The following MTA3 variants were observed in gnomAD, a reference collection of about 807,000 sequenced individuals.
MTA3 encodes metastasis associated 1 family member 3.
Under a neutral mutation model 83.5 loss-of-function variants are expected in MTA3, and 34 were observed. That is an observed-to-expected ratio of 0.41 (90% CI 0.31 to 0.54). The LOEUF is 0.54. Among genes scored for constraint, MTA3 ranks in the 20% least tolerant of loss-of-function variants. MTA3 has a pLI of 0.33. For missense variants in MTA3, 761 were observed against 726.4 expected, an observed-to-expected ratio of 1.05 and a Z score of -0.55; for synonymous variants, 303 against 252.7, an observed-to-expected ratio of 1.20 and a Z score of -1.89.
chr2:42,530,639 G>T (rs1203025494), intron 2 of MTA3, among the ~76,000 whole-genome samples: 1 of 151,714 alleles, frequency 6.6e-6, no homozygotes, highest in African/African-American at 2.4e-5. Context: ...CAAAAAATTA[G>T]CTGGGCGTAG....
intron 16 of MTA3, among the ~76,000 whole-genome samples, chr2:42,749,180 T>C (rs962654560): frequency 4.6e-5 from 7 of 152,236 alleles, no homozygotes; most frequent in Non-Finnish European, 8.8e-5. Flanking sequence ...CCCCCTTCTG[T>C]GTCTCCTTCC....
intron 5 of MTA3, among the ~76,000 whole-genome samples, chr2:42,643,785 A>G (rs1444508455): frequency 3.3e-5 from 5 of 152,140 alleles, no homozygotes; most frequent in Admixed American, 2.0e-4. Flanking sequence ...TTATAAGATG[A>G]TTTGACTTTA....
intron 2 of MTA3, among the ~76,000 whole-genome samples, chr2:42,549,602 A>G (rs1285456325): frequency 1.1e-3 from 132 of 119,530 alleles, no homozygotes; most frequent in Admixed American, 2.5e-3. Context: ...ATACATATAC[A>G]TATATAATAT....
At chr2:42,576,014 A>T (rs932399172) in intron 2 of MTA3, among the ~76,000 whole-genome samples, 1 of 152,172 alleles carries the variant, frequency 6.6e-6, no homozygotes, top group Non-Finnish European at 1.5e-5. Flanking sequence ...AAATATTTAC[A>T]TAGGGTCTTT....
At chr2:42,651,991 G>T (rs1688762694) in intron 6 of MTA3, among the ~76,000 whole-genome samples, 1 of 152,092 alleles carries the variant, frequency 6.6e-6, no homozygotes, top group African/African-American at 2.4e-5. Flanking sequence ...AGCTACTTCG[G>T]GAGGCTGAGG....
At chr2:42,564,659 T>TA (rs1322189514), upstream of MTA3, among the ~76,000 whole-genome samples, 1 of 152,208 alleles carries the variant, frequency 6.6e-6, no homozygotes, top group Non-Finnish European at 1.5e-5. Flanking sequence ...ACCAACAAGA[T>TA]AAAGTCCCTT....
intron 16 of MTA3, among the ~76,000 whole-genome samples, chr2:42,729,087 T>TTTTTG (rs1668039426): frequency 3.6e-5 from 1 of 27,748 alleles, no homozygotes; most frequent in East Asian, 6.8e-4. Flanking sequence ...ACAGTTTGAG[T>TTTTTG]TTTTTTTTTT....
At chr2:42,697,907 C>T in intron 11 of MTA3, 73 bp downstream of exon 11, 1 of 1,119,122 alleles carries the variant, frequency 8.9e-7, no homozygotes, top group Non-Finnish European at 1.2e-6. Context: ...TCATTTTGTT[C>T]AGTTTCAGCA....
rs985230374 is a variant in MTA3 at position 42,546,034 on chromosome 2, C to T, written c.-140-24403C>T. On this transcript the variant is annotated intron_variant, in intron 2 of 17. Transcript: ENST00000405592. ...ATGGTACTATTTAAAAGCAGCTTCC[C>T]TAAGCCACTCCTGAAAGGGCAATTG... 6.6e-5 allele frequency among the ~76,000 whole-genome samples: 10 copies of T among 152,172 alleles called. No homozygotes were observed. In the East Asian group the frequency reaches 1.9e-3, roughly 29 times the overall value.
chr2:42,563,771 CA>C (rs1677771152), upstream of MTA3, among the ~76,000 whole-genome samples: 2 of 147,304 alleles, frequency 1.4e-5, no homozygotes, highest in Admixed American at 6.8e-5. Context: ...CGGCCTGGAC[CA>C]AACATTCCTT....
intron 2 of MTA3, among the ~76,000 whole-genome samples, chr2:42,529,476 A>G (rs1231965549): frequency 1.3e-5 from 2 of 152,226 alleles, no homozygotes; most frequent in Non-Finnish European, 2.9e-5. Context: ...ACTGAGAGCC[A>G]AGAGAGAAAG....
chr2:42,548,795 C>A (rs1486647607), intron 2 of MTA3, among the ~76,000 whole-genome samples: 1 of 79,592 alleles, frequency 1.3e-5, no homozygotes, highest in Non-Finnish European at 2.3e-5. Flanking sequence ...AGAGTGAGAC[C>A]CTGTCTCAAA....
chr2:42,756,136 ACAG>A lies in MTA3; in HGVS notation c.*2740_*2742del. The A allele has an allele frequency of 5.6e-6, 3 of 535,968 alleles. No individual in the cohort carries two copies. The highest frequency in any genetic ancestry group is 7.2e-6 in the Non-Finnish European group (3 of 418,794). 33.2% of individuals were successfully genotyped at this position (535,968 alleles called of 1,614,324 possible). On this transcript the variant is annotated 3_prime_UTR_variant, in exon 17 of 17. Coordinates refer to ENST00000405094, the MANE Select transcript of MTA3 (RefSeq NM_001330442.2). ...GGCAACCCAGAGGTGGGGAACAACA[ACAG>A]CAAGCCGCCCCCATCCTGAGACTGG...
upstream of MTA3, among the ~76,000 whole-genome samples, chr2:42,494,308 T>C (rs542091362): frequency 1.6e-4 from 24 of 152,104 alleles, no homozygotes; most frequent in African/African-American, 5.3e-4. Flanking sequence ...GCCATCGGGA[T>C]GAATTGGGCA....
chr2:42,582,218 C>T (rs1457022313), intron 3 of MTA3, among the ~76,000 whole-genome samples: 5 of 152,040 alleles, frequency 3.3e-5, no homozygotes, highest in South Asian at 2.1e-4. Flanking sequence ...CCACCACGCC[C>T]GGCTAATTTT....
chr2:42,674,758 C>A (rs1691178353), intron 8 of MTA3, among the ~76,000 whole-genome samples: 3 of 151,450 alleles, frequency 2.0e-5, no homozygotes, highest in African/African-American at 2.4e-5. Flanking sequence ...GCCACCATGC[C>A]CGGCTAATTT....
At chr2:42,579,429 ATT>A (rs1553348074) in intron 3 of MTA3, among the ~76,000 whole-genome samples, 2 of 140,172 alleles carry the variant, frequency 1.4e-5, no homozygotes, top group Non-Finnish European at 1.5e-5. Context: ...ATATATATAT[ATT>A]TTTTTTTTTT....
chr2:42,687,561 TG>T (rs1260980531), intron 9 of MTA3, among the ~76,000 whole-genome samples: 7 of 152,224 alleles, frequency 4.6e-5, no homozygotes, highest in African/African-American at 1.4e-4. Context: ...TTGTTTCTCT[TG>T]GGAAATATGA....
Position 42,680,898 on chromosome 2 carries a change from A to G in MTA3, c.703-1503A>G, listed in dbSNP as rs111619640. 4.4e-3 allele frequency among the ~76,000 whole-genome samples: 577 copies of G among 132,186 alleles called. 3 individuals carry two copies. The highest frequency in any genetic ancestry group is 8.2e-3 in the South Asian group (28 of 3,432). 86.7% of individuals were successfully genotyped at this position (132,186 alleles called of 152,430 possible). A position where few individuals can be genotyped will look rare whatever the true frequency, so the allele number is the denominator to read the frequency against. On this transcript the variant is annotated intron_variant, in intron 8 of 16. Coordinates refer to ENST00000405094, the MANE Select transcript of MTA3 (RefSeq NM_001330442.2). ...CTCCTGAGTAGCTGGGATTACAGGC[A>G]ATATGCCACCATGCCTGTTTTTTTG...
Sources: allele counts gnomAD v4.1 joint callset (sites outside exome capture counted in the v4.1 genomes callset), GRCh38; gene constraint gnomAD v4.1.1; transcripts MANE v1.5; gene names NCBI Gene and HGNC (gene_info 2026-07-23, HGNC 2026-07-21).